Variants in SORCS2 observed in about 807,000 individuals in gnomAD.
SORCS2 encodes sortilin related VPS10 domain containing receptor 2.
In SORCS2, 100 loss-of-function variants were observed where a neutral mutation model predicts 141.6. That is an observed-to-expected ratio of 0.71 (90% CI 0.60 to 0.83). The LOEUF (loss-of-function observed/expected upper bound fraction) is 0.83, where lower values mean the gene tolerates loss of function less well. Ranked by LOEUF, SORCS2 falls within the 40% of genes least tolerant of loss-of-function variation. The pLI, the probability that SORCS2 is intolerant of heterozygous loss-of-function variation, is 0.00. For synonymous variants in SORCS2, 789 were observed against 676.9 expected (o/e 1.17, Z -2.57); for missense variants, 1,646 against 1,560.2 (o/e 1.05, Z -0.93).
At chr4:7,559,467 C>T (rs148174535) in intron 3 of SORCS2, among the ~76,000 whole-genome samples, 16 of 152,270 alleles carry the variant, frequency 1.1e-4, no homozygotes, top group African/African-American at 2.9e-4. Context: ...AGGCCGACCC[C>T]GTTGGTGGGT....
At chr4:7,644,546 G>C (rs1386203701) in intron 4 of SORCS2, among the ~76,000 whole-genome samples, 1 of 152,242 alleles carries the variant, frequency 6.6e-6, no homozygotes, top group African/African-American at 2.4e-5. Flanking sequence ...CTGGGCTGCA[G>C]CTTTCAGGCC....
chr4:7,362,969 A>C (rs976512041), intron 1 of SORCS2, among the ~76,000 whole-genome samples: 2 of 142,292 alleles, frequency 1.4e-5, no homozygotes, highest in African/African-American at 5.2e-5. Context: ...TCATTACTGC[A>C]ATCATCACCA....
Position 7,689,656 on chromosome 4 carries a change from G to C in SORCS2, c.1591+68G>C. ...GCCCAAGAGTACCTCCAATCTTAAG[G>C]GTAAAAAGGGATGGTCATGAGCCTG... On this transcript the variant is annotated intron_variant, in intron 11 of 26. Transcript: ENST00000507866. 2.8e-6 allele frequency: 4 copies of C among 1,414,908 alleles called. No individual in the cohort carries two copies. In the South Asian group the frequency reaches 5.1e-5, roughly 18 times the overall value. 87.6% of individuals were successfully genotyped at this position (1,414,908 alleles called of 1,614,324 possible). A position where few individuals can be genotyped will look rare whatever the true frequency, so the allele number is the denominator to read the frequency against.
Position 7,663,994 on chromosome 4 carries a change from C to T in SORCS2, c.953-359C>T, listed in dbSNP as rs1054794152. Among the ~76,000 whole-genome samples the T allele has an allele frequency of 5.9e-5, 9 of 152,260 alleles. No homozygotes were observed. In the East Asian group the frequency reaches 7.7e-4, roughly 13 times the overall value. ...GGGAAAAGAACCCTTGAGCCCCACC[C>T]GCCCCCATCCCTGCTTAGGTGTGAG... On this transcript the variant is annotated intron_variant, in intron 6 of 26. Coordinates refer to ENST00000507866, the MANE Select transcript of SORCS2 (RefSeq NM_020777.3). The surrounding 1 kb of genome is among the most constrained non-coding windows in gnomAD (Gnocchi z 4.8).
chr4:7,579,353 A>G (rs1275173950), intron 3 of SORCS2, among the ~76,000 whole-genome samples: 4 of 152,156 alleles, frequency 2.6e-5, no homozygotes, highest in East Asian at 1.9e-4. Flanking sequence ...GGCCACACCC[A>G]CCCGTGTGTG....
At chr4:7,598,355 G>A (rs1245048988) in intron 3 of SORCS2, among the ~76,000 whole-genome samples, 2 of 152,180 alleles carry the variant, frequency 1.3e-5, no homozygotes, top group East Asian at 1.9e-4. Flanking sequence ...GAGAGGTTCC[G>A]TGCTTCTGAG....
intron 5 of SORCS2, among the ~76,000 whole-genome samples, chr4:7,655,007 T>G (rs537019519): frequency 6.6e-6 from 1 of 152,188 alleles, no homozygotes; most frequent in Non-Finnish European, 1.5e-5. Flanking sequence ...GATGCATCTA[T>G]GAGGGCTGTG....
intron 2 of SORCS2, among the ~76,000 whole-genome samples, chr4:7,413,842 AC>A (rs1725488933): frequency 6.6e-6 from 1 of 151,980 alleles, no homozygotes; most frequent in African/African-American, 2.4e-5. Flanking sequence ...CCTTGTACAT[AC>A]CCTGCCCCAC....
chr4:7,699,474 C>T (rs1724918363), intron 12 of SORCS2, among the ~76,000 whole-genome samples: 1 of 152,154 alleles, frequency 6.6e-6, no homozygotes, highest in Non-Finnish European at 1.5e-5. Context: ...TGTGCACCGG[C>T]TCAGGGGGCC....
chr4:7,739,908 C>T (rs1479985004), intron 26 of SORCS2, among the ~76,000 whole-genome samples: 1 of 152,306 alleles, frequency 6.6e-6, no homozygotes, highest in East Asian at 1.9e-4. Context: ...CTGCCGATGC[C>T]GGGGGCGATC....
At chr4:7,596,980 C>T (rs1288768518) in intron 3 of SORCS2, among the ~76,000 whole-genome samples, 1 of 152,010 alleles carries the variant, frequency 6.6e-6, no homozygotes, top group African/African-American at 2.4e-5. Context: ...AGCAGAAAAC[C>T]ACCAAGAGCC....
At chr4:7,334,546 C>T (rs774063195) in intron 1 of SORCS2, among the ~76,000 whole-genome samples, 5 of 152,204 alleles carry the variant, frequency 3.3e-5, no homozygotes, top group Non-Finnish European at 7.3e-5. Context: ...TGAGGGGTGG[C>T]AGCTGAACTT....
At position 7,676,138 on chromosome 4, in the gene SORCS2, C is replaced by A; in HGVS notation, c.1250C>A (p.Ser417Ter). The A allele has an allele frequency of 6.3e-7, 1 of 1,575,398 alleles. No individual in the cohort carries two copies. Among genetic ancestry groups the A allele is most frequent in the East Asian group, 2.3e-5 (1 of 42,706 alleles). ...YQMDTYNLYQ[S>*]DPRGVRYALV... ...ATGGACACCTACAACCTGTACCAGTCGGACCCACGGGGCGTGCGCTACGCG... is the reference window on the plus strand; with the variant it reads ...ATGGACACCTACAACCTGTACCAGTAGGACCCACGGGGCGTGCGCTACGCG... Residue 417 changes from serine (S) to a stop codon, truncating the protein, a stop_gained, in exon 9 of 27, where the codon TCG (serine) becomes TAG (stop). Coordinates refer to ENST00000507866, the MANE Select transcript of SORCS2 (RefSeq NM_020777.3). LOFTEE classifies it high-confidence loss of function.
chr4:7,358,136 G>A (rs1388197868), intron 1 of SORCS2, among the ~76,000 whole-genome samples: 2 of 152,234 alleles, frequency 1.3e-5, no homozygotes, highest in African/African-American at 4.8e-5. Flanking sequence ...CACAGAGAAT[G>A]AATTTTTCCT....
chr4:7,327,022 C>T (rs554669115), intron 1 of SORCS2, among the ~76,000 whole-genome samples: 27 of 152,342 alleles, frequency 1.8e-4, no homozygotes, highest in Non-Finnish European at 3.2e-4. Context: ...GGCAAGTCCT[C>T]CCAGGCTGTG....
At chr4:7,538,437 G>A (rs1268905657) in intron 3 of SORCS2, among the ~76,000 whole-genome samples, 3 of 152,214 alleles carry the variant, frequency 2.0e-5, no homozygotes, top group Non-Finnish European at 2.9e-5. Flanking sequence ...TTGGCCCCAG[G>A]AGCCCTGTGG....
At chr4:7,389,217 C>A (rs866167498) in intron 1 of SORCS2, among the ~76,000 whole-genome samples, 1 of 152,170 alleles carries the variant, frequency 6.6e-6, no homozygotes, top group Non-Finnish European at 1.5e-5. Flanking sequence ...TGTTGGCTGG[C>A]GGGTGAGGTG....
At chr4:7,711,390 C>T (rs1488187504) in intron 14 of SORCS2, among the ~76,000 whole-genome samples, 31 of 152,182 alleles carry the variant, frequency 2.0e-4, no homozygotes. Flanking sequence ...TCATCATGGG[C>T]CACCCCAAGT....
At chr4:7,484,536 G>C (rs1228840390) in intron 2 of SORCS2, among the ~76,000 whole-genome samples, 2 of 152,136 alleles carry the variant, frequency 1.3e-5, no homozygotes, top group Non-Finnish European at 2.9e-5. Context: ...TATAAGGATA[G>C]AAAGGGCTTT....
Sources: allele counts gnomAD v4.1 joint callset (sites outside exome capture counted in the v4.1 genomes callset), GRCh38; gene constraint gnomAD v4.1.1; non-coding constraint Gnocchi (gnomAD v3.1); transcripts MANE v1.5; gene names NCBI Gene and HGNC (gene_info 2026-07-23, HGNC 2026-07-21).